Variants in DSCAM observed in about 807,000 individuals in gnomAD.
DSCAM encodes the protein DS cell adhesion molecule.
A neutral mutation model predicts 217.7 loss-of-function variants in DSCAM; 47 were observed. The ratio of observed to expected loss-of-function variants is 0.22; its 90% CI spans 0.17 to 0.28. The LOEUF is 0.28. DSCAM is among the 10% of genes least tolerant of loss of function. The pLI is 1.00. For missense variants in DSCAM, 2,080 were observed against 2,618.3 expected (o/e 0.79, Z 4.49); for synonymous variants, 1,056 against 1,015.3 (o/e 1.04, Z -0.76).
At chr21:40,191,711 C>G (rs536165755) in intron 11 of DSCAM, among the ~76,000 whole-genome samples, 58 of 152,230 alleles carry the variant, frequency 3.8e-4, no homozygotes, top group African/African-American at 1.3e-3. Flanking sequence ...AAAATCAAGT[C>G]GACAACAGAG....
At chr21:40,332,227 T>C (rs1268365572) in intron 8 of DSCAM, among the ~76,000 whole-genome samples, 2 of 152,240 alleles carry the variant, frequency 1.3e-5, no homozygotes, top group Non-Finnish European at 2.9e-5. Flanking sequence ...GCTTTATTCC[T>C]GGGTTCTTTG....
At chr21:40,533,570 C>T (rs1241145368) in intron 3 of DSCAM, among the ~76,000 whole-genome samples, 3 of 150,632 alleles carry the variant, frequency 2.0e-5, no homozygotes, top group African/African-American at 4.9e-5. Flanking sequence ...TCCATCCATC[C>T]ATCCATCCAT....
In DSCAM at chr21:40,817,715, T is replaced by G. The variant is rs117895665; in HGVS notation, c.43+28904A>C. Among the ~76,000 whole-genome samples, 319 of 152,320 alleles carry G rather than the reference T, an allele frequency of 2.1e-3. 2 individuals are homozygous for G. The highest frequency in any genetic ancestry group is 2.3e-3 in the Non-Finnish European group (157 of 68,026). On this transcript the variant is annotated intron_variant, in intron 1 of 32. Transcript: ENST00000400454. ...TGACAAAAATGCCATTTAGGGACTT[T>G]CAAATTTACAGCTAGGCAATTTGTC...
At chr21:40,527,067 G>A (rs1251696193) in intron 3 of DSCAM, among the ~76,000 whole-genome samples, 1 of 152,070 alleles carries the variant, frequency 6.6e-6, no homozygotes, top group African/African-American at 2.4e-5. Flanking sequence ...TGGCCTCTGT[G>A]TCTCTTTAGG....
chr21:40,343,562 T>C (rs998939891), intron 6 of DSCAM, among the ~76,000 whole-genome samples: 2 of 152,220 alleles, frequency 1.3e-5, no homozygotes, highest in African/African-American at 4.8e-5. Flanking sequence ...TGCTCCCTTA[T>C]TCTATTAACA....
At chr21:40,291,926 G>A (rs554005421) in intron 10 of DSCAM, among the ~76,000 whole-genome samples, 3 of 152,228 alleles carry the variant, frequency 2.0e-5, no homozygotes, top group South Asian at 2.1e-4. Flanking sequence ...GTCCCTCTTC[G>A]CTTCTCAGCA....
intron 3 of DSCAM, among the ~76,000 whole-genome samples, chr21:40,675,629 C>T (rs1216029869): frequency 6.6e-6 from 1 of 152,138 alleles, no homozygotes; most frequent in East Asian, 1.9e-4. Context: ...TGAGTGTTGC[C>T]TCTAGTTTTT....
At chr21:40,381,665 T>C (rs8130598) in intron 3 of DSCAM, among the ~76,000 whole-genome samples, 3,666 of 152,274 alleles carry the variant, frequency 0.024, 139 homozygotes, top group African/African-American at 0.084. Flanking sequence ...ACAGATGGCA[T>C]AGGATTATGG....
chr21:40,488,641 G>A (rs984312737), intron 3 of DSCAM, among the ~76,000 whole-genome samples: 3 of 152,142 alleles, frequency 2.0e-5, no homozygotes, highest in Non-Finnish European at 2.9e-5. Flanking sequence ...TGTGACAAGG[G>A]TTCCCTTGGG....
intron 32 of DSCAM, among the ~76,000 whole-genome samples, chr21:40,029,423 GT>G (rs2088474674): frequency 8.2e-6 from 1 of 122,528 alleles, no homozygotes; most frequent in Non-Finnish European, 1.9e-5. Flanking sequence ...TGCATTTGAG[GT>G]TGTTTTTTTT....
intron 3 of DSCAM, among the ~76,000 whole-genome samples, chr21:40,683,482 A>G (rs1413481189): frequency 6.6e-6 from 1 of 152,244 alleles, no homozygotes. Context: ...AGAGAAAGAA[A>G]GAAGTATGGA....
intron 3 of DSCAM, among the ~76,000 whole-genome samples, chr21:40,548,297 T>A (rs2076600138): frequency 1.3e-5 from 2 of 152,084 alleles, no homozygotes; most frequent in Non-Finnish European, 2.9e-5. Flanking sequence ...ATTACCGCCC[T>A]CCCCATGGGG....
intron 1 of DSCAM, among the ~76,000 whole-genome samples, chr21:40,796,003 C>T (rs2091688233): frequency 1.3e-5 from 2 of 152,208 alleles, no homozygotes. Context: ...TTGAGCTTCT[C>T]CTAAGTGTCA....
At chr21:40,771,201 C>T (rs747412516) in intron 1 of DSCAM, among the ~76,000 whole-genome samples, 44 of 152,276 alleles carry the variant, frequency 2.9e-4, no homozygotes, top group Admixed American at 7.2e-4. Context: ...CTTAAGGGCA[C>T]GAGCTTTCAT....
intron 3 of DSCAM, among the ~76,000 whole-genome samples, chr21:40,645,997 G>A (rs1188455603): frequency 1.3e-5 from 2 of 152,238 alleles, no homozygotes; most frequent in East Asian, 3.9e-4. Flanking sequence ...TAAATGAAAA[G>A]ATACCGTTCT....
chr21:40,329,380 C>T (rs995774167), intron 8 of DSCAM, among the ~76,000 whole-genome samples: 3 of 152,060 alleles, frequency 2.0e-5, no homozygotes, highest in African/African-American at 7.2e-5. Context: ...CTTTGGGAGG[C>T]CGAGGCAGGC....
intron 31 of DSCAM, among the ~76,000 whole-genome samples, chr21:40,042,996 C>T (rs1280291992): frequency 6.6e-6 from 1 of 152,206 alleles, no homozygotes; most frequent in African/African-American, 2.4e-5. Context: ...CAGGCAGCAG[C>T]CCCCTCTCTG....
chr21:40,668,702 T>C (rs1162321364), intron 3 of DSCAM, among the ~76,000 whole-genome samples: 1 of 152,192 alleles, frequency 6.6e-6, no homozygotes, highest in Non-Finnish European at 1.5e-5. Flanking sequence ...GATTAGAACA[T>C]AAAACTTTAT....
chr21:40,805,404 C>A (rs1217737899), intron 1 of DSCAM, among the ~76,000 whole-genome samples: 1 of 152,178 alleles, frequency 6.6e-6, no homozygotes, highest in Non-Finnish European at 1.5e-5. Flanking sequence ...TGCCCTCTGA[C>A]TTTTGGTGTG....
Sources: allele counts gnomAD v4.1 joint callset (sites outside exome capture counted in the v4.1 genomes callset), GRCh38; gene constraint gnomAD v4.1.1; transcripts MANE v1.5; gene names NCBI Gene and HGNC (gene_info 2026-07-23, HGNC 2026-07-21).